UNC13B: variants seen among roughly 807,000 people sequenced by gnomAD.
UNC13B encodes the protein protein unc-13 homolog B.
Under a neutral mutation model 211.0 loss-of-function variants are expected in UNC13B, and 144 were observed. The ratio of observed to expected loss-of-function variants is 0.68; its 90% CI spans 0.60 to 0.78. The LOEUF is 0.78. Among genes scored for constraint, UNC13B ranks in the 30% least tolerant of loss-of-function variants. The pLI, the probability that UNC13B is intolerant of heterozygous loss-of-function variation, is 0.00. For missense variants in UNC13B, 1,777 were observed against 2,002.0 expected, an observed-to-expected ratio of 0.89 and a Z score of 2.14; for synonymous variants, 709 against 725.8, an observed-to-expected ratio of 0.98 and a Z score of 0.37.
intron 11 of UNC13B, among the ~76,000 whole-genome samples, chr9:35,320,166 T>C (rs1026571279): frequency 1.3e-5 from 2 of 152,218 alleles, no homozygotes; most frequent in Non-Finnish European, 2.9e-5. Flanking sequence ...TGATTTGATG[T>C]CTCTGCTATT....
In UNC13B at chr9:35,394,626, C is replaced by T. The variant is rs148839272; in HGVS notation, c.11309-1850C>T. The stretch of plus-strand genomic sequence containing the variant: ...AAATAAGAAGTTTATATAGACGTTA[C>T]CAGAACCAAAGAGAGATTAGGGGGA... On this transcript the variant is annotated intron_variant, in intron 26 of 39. Transcript: ENST00000635942. Among the ~76,000 whole-genome samples, 64 of 152,172 alleles carry T rather than the reference C, an allele frequency of 4.2e-4. 1 individual carries two copies. The East Asian group carries it at 0.01, about 24-fold the overall frequency.
intron 37 of UNC13B, among the ~76,000 whole-genome samples, chr9:35,401,256 A>G (rs889390367): frequency 1.1e-4 from 17 of 152,180 alleles, no homozygotes; most frequent in Non-Finnish European, 5.9e-5. Flanking sequence ...AATCTGGGGC[A>G]CAGGGCTGAC....
At chr9:35,285,993 G>A (rs2131746759) in intron 7 of UNC13B, among the ~76,000 whole-genome samples, 1 of 152,236 alleles carries the variant, frequency 6.6e-6, no homozygotes, top group Admixed American at 6.5e-5. Context: ...TATTTCTAGA[G>A]AATTTTTAAC....
intron 37 of UNC13B, chr9:35,402,073 G>C (rs1836340152): frequency 6.8e-7 from 1 of 1,464,916 alleles, no homozygotes; most frequent in African/African-American, 1.4e-5. Context: ...GAGCTAGAAT[G>C]AGCAACTCGT....
At chr9:35,360,317 C>G (rs888352522) in intron 11 of UNC13B, among the ~76,000 whole-genome samples, 11 of 152,220 alleles carry the variant, frequency 7.2e-5, no homozygotes, top group African/African-American at 2.7e-4. Context: ...ACAAGAATGT[C>G]TGTTAGGAAT....
intron 11 of UNC13B, among the ~76,000 whole-genome samples, chr9:35,366,090 G>A (rs1485204022): frequency 1.3e-5 from 2 of 152,198 alleles, no homozygotes; most frequent in Non-Finnish European, 2.9e-5. Flanking sequence ...TAGTTAGGAG[G>A]CAGGGAAGTT....
chr9:35,176,731 GAA>G (rs1306978953), intron 1 of UNC13B, among the ~76,000 whole-genome samples: 5 of 152,218 alleles, frequency 3.3e-5, no homozygotes, highest in African/African-American at 1.2e-4. Context: ...TTACGAGTAG[GAA>G]AAAATACAAC....
intron 1 of UNC13B, among the ~76,000 whole-genome samples, chr9:35,207,451 T>C (rs1823721415): frequency 6.6e-6 from 1 of 150,734 alleles, no homozygotes; most frequent in African/African-American, 2.4e-5. Flanking sequence ...TATTTTTTTC[T>C]ATGAACTCTG....
chr9:35,201,928 G>A (rs182070641), intron 1 of UNC13B, among the ~76,000 whole-genome samples: 13 of 152,162 alleles, frequency 8.5e-5, no homozygotes, highest in Admixed American at 6.5e-4. Flanking sequence ...TCATTGTGAC[G>A]TTAGGGTGTG....
intron 1 of UNC13B, among the ~76,000 whole-genome samples, chr9:35,170,711 A>G (rs766425698): frequency 8.5e-5 from 13 of 152,084 alleles, no homozygotes; most frequent in East Asian, 3.9e-4. Context: ...GGCTCAAGCA[A>G]TCCTTCTGCC....
Position 35,304,448 on chromosome 9 carries a change from C to A in UNC13B, c.5044C>A (p.Gln1682Lys), listed in dbSNP as rs531333824. The A allele has an allele frequency of 7.5e-5, 30 of 398,594 alleles. No individual in the cohort carries two copies. Among genetic ancestry groups the A allele is most frequent in the African/African-American group, 5.5e-4 (27 of 48,672 alleles). The allele number at this position is 398,594 out of a possible 1,614,324, so 24.7% of individuals were successfully genotyped here. The stretch of plus-strand genomic sequence containing the variant: ...TGAATGTACATTAGATCTCAGAAAT[C>A]AGCCCCAAACTATTAGTAATCATGT... ...DAECTLDLRNQPQTISNHVSS... is the reference protein window; with the variant it reads ...DAECTLDLRNKPQTISNHVSS... Residue 1682 changes from glutamine to lysine, a missense_variant, in exon 9 of 40, where the codon CAG becomes AAG. By Grantham distance (53) the Gln-to-Lys change is moderately conservative (BLOSUM62 1). Transcript: ENST00000635942.
intron 1 of UNC13B, among the ~76,000 whole-genome samples, chr9:35,176,993 G>A (rs1019461683): frequency 1.3e-5 from 2 of 152,150 alleles, no homozygotes; most frequent in African/African-American, 4.8e-5. Context: ...GGGAAAATAT[G>A]GATTAAGATG....
intron 6 of UNC13B, among the ~76,000 whole-genome samples, chr9:35,255,191 C>T (rs1202679902): frequency 2.0e-5 from 3 of 147,684 alleles, no homozygotes; most frequent in Non-Finnish European, 4.4e-5. Context: ...TCCCAAAGTG[C>T]TGGGATTACA....
At chr9:35,248,988 C>G (rs1397324542) in intron 6 of UNC13B, among the ~76,000 whole-genome samples, 1 of 152,134 alleles carries the variant, frequency 6.6e-6, no homozygotes, top group Non-Finnish European at 1.5e-5. Context: ...GTGTAGGAGT[C>G]TAAGTCTCTT....
intron 3 of UNC13B, among the ~76,000 whole-genome samples, chr9:35,235,572 G>A (rs1825453372): frequency 6.6e-6 from 1 of 151,966 alleles, no homozygotes; most frequent in African/African-American, 2.4e-5. Flanking sequence ...CCAAGTAGCT[G>A]GGATTACAGG....
At position 35,389,875 on chromosome 9, in the gene UNC13B, G is replaced by A; in HGVS notation, c.11124G>A (p.Gly3708=). ...AGGAGCTACCTCCAGAGGAACAAGG[G>A]CCCAGCATTCGGAACCTGGATTTCT... is the stretch of plus-strand genomic sequence containing the variant. ...LKQELPPEEQ[G]PSIRNLDFWP... The change falls in exon 25 of 40, where the codon GGG becomes GGA. Residue 3708 remains glycine (G), a synonymous_variant. Coordinates refer to ENST00000635942, the MANE Select transcript of UNC13B (RefSeq NM_001371189.2). The A allele has an allele frequency of 6.2e-7, 1 of 1,614,080 alleles. No individual in the cohort carries two copies. Among genetic ancestry groups the A allele is most frequent in the Non-Finnish European group, 8.5e-7 (1 of 1,180,008 alleles).
intron 11 of UNC13B, chr9:35,352,694 A>G (rs946349132): frequency 8.1e-7 from 1 of 1,232,004 alleles, no homozygotes; most frequent in African/African-American, 1.6e-5. Flanking sequence ...TGATGTGCCC[A>G]AGCTAGGGGA....
At chr9:35,260,234 CA>C (rs1158862812) in intron 7 of UNC13B, among the ~76,000 whole-genome samples, 1 of 151,602 alleles carries the variant, frequency 6.6e-6, no homozygotes, top group Non-Finnish European at 1.5e-5. Flanking sequence ...AACAAACAAA[CA>C]AACCATAGCA....
rs1829827841 is a variant in UNC13B at position 35,304,380 on chromosome 9, A to G, written c.4976A>G (p.Asp1659Gly). 1 of 398,518 alleles carries G rather than the reference A, an allele frequency of 2.5e-6. No homozygotes were observed. The highest frequency in any genetic ancestry group is 2.1e-5 in the African/African-American group (1 of 48,558). 24.7% of individuals were successfully genotyped at this position (398,518 alleles called of 1,614,324 possible). A position where few individuals can be genotyped will look rare whatever the true frequency, so the allele number is the denominator to read the frequency against. Residue 1659 changes from aspartate to glycine, a missense_variant, in exon 9 of 40, where the codon GAC (aspartate) becomes GGC (glycine). Physicochemically the swap from Asp to Gly is moderately conservative, Grantham distance 94. Transcript: ENST00000635942. ...SGYNRQKFKG[D>G]FRSFKERPCG... ...TATAATCGTCAAAAGTTTAAAGGAG[A>G]CTTTAGATCTTTCAAAGAAAGGCCG...
Sources: gnomAD v4.1 joint callset for allele counts (sites outside exome capture counted in the v4.1 genomes callset) on GRCh38, gnomAD v4.1.1 for gene constraint, MANE v1.5 for transcripts, NCBI Gene and HGNC (gene_info 2026-07-23, HGNC 2026-07-21) for gene names.